The following TRMT11 variants were observed in gnomAD, a reference collection of about 807,000 sequenced individuals.
The protein encoded by TRMT11 is tRNA (guanine(10)-N(2))-methyltransferase TRMT11.
In TRMT11, 53 loss-of-function variants were observed where a neutral mutation model predicts 62.8. The observed-to-expected ratio is 0.84, with a 90% CI of 0.68 to 1.06. The LOEUF (loss-of-function observed/expected upper bound fraction) is 1.06, where lower values mean the gene tolerates loss of function less well. Among genes scored for constraint, TRMT11 ranks in the 50% least tolerant of loss-of-function variants. TRMT11 has a pLI of 0.00. For missense variants in TRMT11, 556 were observed against 553.4 expected (o/e 1.00, Z -0.05); for synonymous variants, 188 against 190.3 (o/e 0.99, Z 0.10).
At chr6:126,071,974 A>C (rs992294343) in intron 17 of TRMT11, among the ~76,000 whole-genome samples, 6 of 152,128 alleles carry the variant, frequency 3.9e-5, no homozygotes, top group African/African-American at 1.4e-4. Flanking sequence ...GATGATGCTG[A>C]TGCTGCTGCC....
chr6:126,165,975 T>G (rs183416266), intron 21 of TRMT11, among the ~76,000 whole-genome samples: 16 of 152,292 alleles, frequency 1.1e-4, no homozygotes, highest in Admixed American at 9.2e-4. Flanking sequence ...GAGGCTTTGT[T>G]CATTCCTTTT....
chr6:126,013,581 A>G (rs1425276000), intron 11 of TRMT11, among the ~76,000 whole-genome samples: 4 of 152,150 alleles, frequency 2.6e-5, no homozygotes, highest in Non-Finnish European at 4.4e-5. Context: ...CATCAACTGA[A>G]TTGTTTTGAC....
the TRMT11 span, among the ~76,000 whole-genome samples, chr6:126,224,467 C>T: frequency 2.0e-5 from 3 of 152,180 alleles, no homozygotes; most frequent in Admixed American, 6.5e-5. Context: ...GGGGCTGGGA[C>T]CAGGCCCATG....
chr6:126,050,910 A>T (rs1776197773), intron 16 of TRMT11, among the ~76,000 whole-genome samples: 1 of 152,210 alleles, frequency 6.6e-6, no homozygotes, highest in South Asian at 2.1e-4. Context: ...ATTAGAAATG[A>T]TAATCCCTAC....
At chr6:126,033,636 C>G (rs1774630349) in intron 12 of TRMT11, among the ~76,000 whole-genome samples, 1 of 152,048 alleles carries the variant, frequency 6.6e-6, no homozygotes, top group Admixed American at 6.5e-5. Flanking sequence ...CTAACATTCC[C>G]TGAGGAAAAG....
the TRMT11 span, among the ~76,000 whole-genome samples, chr6:126,250,635 C>G: frequency 6.6e-6 from 1 of 152,252 alleles, no homozygotes; most frequent in South Asian, 2.1e-4. Context: ...CTTCCTATCT[C>G]CCTCCCCTCA....
chr6:126,127,209 G>A (rs1350653777), intron 21 of TRMT11, among the ~76,000 whole-genome samples: 2 of 152,070 alleles, frequency 1.3e-5, no homozygotes, highest in African/African-American at 2.4e-5. Flanking sequence ...CCTTTAGGAT[G>A]GATTGTGGGA....
chr6:126,175,489 C>G (rs930771977), upstream of TRMT11, among the ~76,000 whole-genome samples: 23 of 152,152 alleles, frequency 1.5e-4, no homozygotes, highest in African/African-American at 5.6e-4. Context: ...AAGCTAAAAA[C>G]TGCCCTCAAA....
chr6:125,995,812 T>C (rs983382945), intron 2 of TRMT11, among the ~76,000 whole-genome samples, 155 bp from the exon 3 acceptor site: 2 of 152,254 alleles, frequency 1.3e-5, no homozygotes, highest in Non-Finnish European at 2.9e-5. Context: ...TTTACTTTTT[T>C]ACTATTGGAA....
intron 7 of TRMT11, among the ~76,000 whole-genome samples, chr6:126,001,599 G>A (rs527952415): frequency 6.6e-6 from 1 of 151,996 alleles, no homozygotes; most frequent in African/African-American, 2.4e-5. Flanking sequence ...ACAATTACTG[G>A]TGGTTTTATT....
chr6:126,245,854 T>G, the TRMT11 span, among the ~76,000 whole-genome samples: 4 of 152,088 alleles, frequency 2.6e-5, no homozygotes, highest in African/African-American at 9.7e-5. Flanking sequence ...TTCTAGCTCT[T>G]TGGGAGGCCA....
the TRMT11 span, among the ~76,000 whole-genome samples, chr6:126,250,637 C>G: frequency 6.6e-6 from 1 of 152,156 alleles, no homozygotes; most frequent in African/African-American, 2.4e-5. Flanking sequence ...TCCTATCTCC[C>G]TCCCCTCAGC....
At chr6:125,992,508 C>G (rs1790783943) in intron 1 of TRMT11, among the ~76,000 whole-genome samples, 1 of 152,146 alleles carries the variant, frequency 6.6e-6, no homozygotes, top group Admixed American at 6.5e-5. Context: ...AGCCACTGGA[C>G]TTCTAGGACA....
chr6:126,094,785 T>C (rs1777322690), intron 17 of TRMT11, among the ~76,000 whole-genome samples: 1 of 152,192 alleles, frequency 6.6e-6, no homozygotes, highest in South Asian at 2.1e-4. Flanking sequence ...CTATGGTCTA[T>C]TTTCTACCTA....
chr6:126,099,651 G>A (rs1024928179), intron 17 of TRMT11, among the ~76,000 whole-genome samples: 1 of 152,212 alleles, frequency 6.6e-6, no homozygotes, highest in African/African-American at 2.4e-5. Flanking sequence ...GGAGGCTGAG[G>A]CAAGAGAATC....
chr6:126,164,551 ATCTG>A (rs1391703358), intron 21 of TRMT11, among the ~76,000 whole-genome samples: 1 of 152,174 alleles, frequency 6.6e-6, no homozygotes, highest in African/African-American at 2.4e-5. Flanking sequence ...TGTCTCATTG[ATCTG>A]TCTAATATTG....
At chr6:126,134,887 G>A (rs1276835449) in intron 21 of TRMT11, among the ~76,000 whole-genome samples, 1 of 151,742 alleles carries the variant, frequency 6.6e-6, no homozygotes, top group African/African-American at 2.4e-5. Context: ...ACGTGCTCTT[G>A]AACAACCAGT....
Position 126,141,690 on chromosome 6 carries a change from A to G in TRMT11, c.*1823+25835A>G, listed in dbSNP as rs543522354. Reference sequence around the variant, plus strand: ...TGGAAAAGGAGATTATATATGGTGTATATTCAGTATCAGCTGAACAACTTC... The same window carrying G: ...TGGAAAAGGAGATTATATATGGTGTGTATTCAGTATCAGCTGAACAACTTC... On this transcript the variant is annotated intron_variant and NMD_transcript_variant, in intron 21 of 22. Transcript: ENST00000648977. Among the ~76,000 whole-genome samples the G allele has an allele frequency of 5.3e-5, 8 of 152,244 alleles. No homozygotes were observed. In the South Asian group the frequency reaches 8.3e-4, roughly 16 times the overall value.
the TRMT11 span, among the ~76,000 whole-genome samples, chr6:126,247,553 AATAAATAT>A: frequency 6.8e-6 from 1 of 147,108 alleles, no homozygotes; most frequent in East Asian, 1.9e-4. Flanking sequence ...TAAAAATATA[AATAAATAT>A]ATAAATATAT....
Sources: gnomAD v4.1 joint callset for allele counts (sites outside exome capture counted in the v4.1 genomes callset) on GRCh38, gnomAD v4.1.1 for gene constraint, MANE v1.5 for transcripts, NCBI Gene and HGNC (gene_info 2026-07-23, HGNC 2026-07-21) for gene names.